The following STXBP6 variants were observed in gnomAD, a reference collection of about 807,000 sequenced individuals.
The protein encoded by STXBP6 is syntaxin-binding protein 6.
STXBP6 carries 21 observed loss-of-function variants against 26.9 expected under a neutral mutation model. The ratio of observed to expected loss-of-function variants is 0.78; its 90% confidence interval spans 0.55 to 1.12. STXBP6 has a LOEUF of 1.12. Ranked by LOEUF, STXBP6 falls within the 50% of genes most tolerant of loss-of-function variation. The pLI is 0.00. For synonymous variants in STXBP6, 97 were observed against 92.6 expected (o/e 1.05, Z -0.27); for missense variants, 232 against 257.9 (o/e 0.90, Z 0.69).
chr14:24,944,316 G>A (rs766948217), intron 2 of STXBP6, among the ~76,000 whole-genome samples: 11 of 152,324 alleles, frequency 7.2e-5, no homozygotes, highest in South Asian at 2.1e-4. Context: ...ACCTCAGGCA[G>A]AGGTAAATAA....
At chr14:25,005,591 T>C (rs1881001807) in intron 1 of STXBP6, among the ~76,000 whole-genome samples, 1 of 152,184 alleles carries the variant, frequency 6.6e-6, no homozygotes, top group Non-Finnish European at 1.5e-5. Flanking sequence ...TGCAACATTT[T>C]CACGTGCACA....
chr14:25,042,755 T>C (rs2075664127), intron 1 of STXBP6, among the ~76,000 whole-genome samples: 1 of 152,122 alleles, frequency 6.6e-6, no homozygotes, highest in African/African-American at 2.4e-5. Flanking sequence ...ATCCCAGACC[T>C]ACTGAATCAG....
At chr14:24,998,559 A>C (rs1664057283) in intron 1 of STXBP6, among the ~76,000 whole-genome samples, 1 of 152,312 alleles carries the variant, frequency 6.6e-6, no homozygotes, top group South Asian at 2.1e-4. Context: ...ACTTGAATAG[A>C]GAGCATGACC....
chr14:24,945,305 A>G (rs2072948857), intron 2 of STXBP6, among the ~76,000 whole-genome samples: 1 of 151,660 alleles, frequency 6.6e-6, no homozygotes, highest in African/African-American at 2.4e-5. Context: ...AACACTACAC[A>G]CGGTGGCTCA....
Position 24,830,632 on chromosome 14 carries a change from C to T in STXBP6, c.452-11438G>A, listed in dbSNP as rs573835037. ...ATAAGGTTATGTATGCTTAAGTTGT[C>T]TATGAGACATCCAAGTGGAGTCAGT... On this transcript the variant is annotated intron_variant, in intron 4 of 5. Transcript: ENST00000323944. Among the ~76,000 whole-genome samples the T allele has an allele frequency of 5.9e-5, 9 of 152,268 alleles. No individual in the cohort carries two copies. In the East Asian group the frequency reaches 1.7e-3, roughly 29 times the overall value.
chr14:25,007,729 T>A (rs2074935377), intron 1 of STXBP6, among the ~76,000 whole-genome samples: 1 of 152,208 alleles, frequency 6.6e-6, no homozygotes, highest in African/African-American at 2.4e-5. Flanking sequence ...TTTGAATTAT[T>A]TCCTCCAAAT....
At chr14:24,866,937 G>C (rs1880074570) in intron 2 of STXBP6, among the ~76,000 whole-genome samples, 1 of 151,946 alleles carries the variant, frequency 6.6e-6, no homozygotes, top group African/African-American at 2.4e-5. Flanking sequence ...AGTTCAAAAG[G>C]CTAGAAGAGC....
At chr14:24,961,271 G>A (rs1026737688) in intron 2 of STXBP6, among the ~76,000 whole-genome samples, 3 of 152,086 alleles carry the variant, frequency 2.0e-5, no homozygotes, top group African/African-American at 7.2e-5. Flanking sequence ...GTTGAGGCTG[G>A]AAGGTGGGAG....
intron 2 of STXBP6, among the ~76,000 whole-genome samples, chr14:24,885,992 C>T (rs1438531176): frequency 2.6e-5 from 4 of 152,114 alleles, no homozygotes; most frequent in Non-Finnish European, 5.9e-5. Context: ...TGCACTTATC[C>T]AGGGTAAACA....
At chr14:24,927,288 T>C (rs2139861807) in intron 2 of STXBP6, among the ~76,000 whole-genome samples, 1 of 152,344 alleles carries the variant, frequency 6.6e-6, no homozygotes, top group South Asian at 2.1e-4. Context: ...AGAGGGTCCT[T>C]CTGCACCCAC....
chr14:24,819,398 C>G, intron 4 of STXBP6: 1 of 622,898 alleles, frequency 1.6e-6, no homozygotes, highest in South Asian at 1.9e-5. Flanking sequence ...GACTGCAGGA[C>G]CTAGGAAAAT....
intron 4 of STXBP6, among the ~76,000 whole-genome samples, chr14:24,837,329 T>C (rs1436460313): frequency 2.0e-5 from 3 of 152,208 alleles, no homozygotes; most frequent in Non-Finnish European, 4.4e-5. Context: ...ATTACTCTTG[T>C]TAAGAAGCTA....
rs903434147 is a variant in STXBP6, at chr14:24,828,657, A to G, written c.452-9463T>C. Among the ~76,000 whole-genome samples, 3 of 152,212 alleles carry G rather than the reference A, an allele frequency of 2.0e-5. No individual in the cohort carries two copies. The South Asian group carries it at 6.2e-4, about 31-fold the overall frequency. ...TGAGCATTAATGGTCAAACATATCC[A>G]CTAGGTAGAAAGAATGACGATGCAT... On this transcript the variant is annotated intron_variant, in intron 4 of 5. Coordinates refer to ENST00000323944, the MANE Select transcript of STXBP6 (RefSeq NM_001394410.1).
intron 2 of STXBP6, among the ~76,000 whole-genome samples, chr14:24,923,591 T>C (rs541575165): frequency 2.6e-5 from 4 of 152,218 alleles, no homozygotes; most frequent in African/African-American, 9.6e-5. Flanking sequence ...GCTCTACATC[T>C]TCACCATTGC....
At chr14:24,887,816 G>A (rs970025070) in intron 2 of STXBP6, among the ~76,000 whole-genome samples, 1 of 152,180 alleles carries the variant, frequency 6.6e-6, no homozygotes, top group Non-Finnish European at 1.5e-5. Context: ...ACTAAGTATC[G>A]TCAAGTCAGC....
intron 4 of STXBP6, among the ~76,000 whole-genome samples, chr14:24,836,297 A>G (rs936072593): frequency 6.6e-5 from 10 of 152,128 alleles, no homozygotes; most frequent in African/African-American, 2.2e-4. Context: ...AAAATTTACA[A>G]CTCAGAAGTG....
chr14:24,920,513 G>A (rs1309929851), intron 2 of STXBP6, among the ~76,000 whole-genome samples: 2 of 152,038 alleles, frequency 1.3e-5, no homozygotes, highest in African/African-American at 4.8e-5. Flanking sequence ...TTAGTTTGAT[G>A]AGAAGGAAAC....
chr14:24,847,356 G>A (rs1033270566), intron 4 of STXBP6, among the ~76,000 whole-genome samples: 1 of 152,036 alleles, frequency 6.6e-6, no homozygotes, highest in Non-Finnish European at 1.5e-5. Flanking sequence ...TTTTCATAAA[G>A]GTAAATGTTT....
At chr14:25,042,396 G>A (rs937927979) in intron 1 of STXBP6, among the ~76,000 whole-genome samples, 2 of 152,208 alleles carry the variant, frequency 1.3e-5, no homozygotes, top group South Asian at 2.1e-4. Flanking sequence ...CTCCAGGTGG[G>A]AGAATCCCAG....
Sources: allele counts gnomAD v4.1 joint callset (sites outside exome capture counted in the v4.1 genomes callset), GRCh38; gene constraint gnomAD v4.1.1; transcripts MANE v1.5; gene names NCBI Gene and HGNC (gene_info 2026-07-23, HGNC 2026-07-21).